The following ADAMTSL2 variants were observed in gnomAD, a reference collection of about 807,000 sequenced individuals.
ADAMTSL2 encodes ADAMTS-like protein 2.
In ADAMTSL2, 55 loss-of-function variants were observed where a neutral mutation model predicts 117.0. That is an observed-to-expected ratio of 0.47 (90% CI 0.38 to 0.59). ADAMTSL2 has a LOEUF of 0.59. Ranked by LOEUF, ADAMTSL2 falls within the 20% of genes least tolerant of loss-of-function variation. The pLI is 0.00. For missense variants in ADAMTSL2, 1,182 were observed against 1,354.5 expected (o/e 0.87, Z 2.00); for synonymous variants, 572 against 566.4 (o/e 1.01, Z -0.14).
Position 133,570,332 on chromosome 9 carries a change from G to A in ADAMTSL2, c.2417G>A (p.Cys806Tyr). Reference protein sequence around the residue: ...AHWLAQDWERCNTTCGRGVKK... With the variant: ...AHWLAQDWERYNTTCGRGVKK... ...CCGCTCCCTCTGCCCCGGCCTCAGT[G>A]CAACACCACCTGCGGGCGCGGGGTC... The change falls in exon 17 of 19, where the codon TGC (cysteine) becomes TAC (tyrosine). Residue 806 changes from cysteine (C) to tyrosine (Y), a missense_variant and splice_region_variant. Cys to Tyr is a radical substitution (Grantham distance 194). Transcript: ENST00000651351. The A allele has an allele frequency of 6.5e-7, 1 of 1,544,098 alleles. No homozygotes were observed. Among genetic ancestry groups the A allele is most frequent in the Non-Finnish European group, 8.7e-7 (1 of 1,146,868 alleles).
intron 9 of ADAMTSL2, among the ~76,000 whole-genome samples, chr9:133,549,778 C>T (rs539590665): frequency 1.3e-5 from 2 of 152,228 alleles, no homozygotes; most frequent in East Asian, 1.9e-4. Flanking sequence ...CCAAACAGAC[C>T]GTGTGTGGCC....
chr9:133,534,603 A>AGGCC, upstream of ADAMTSL2: 1 of 1,254,734 alleles, frequency 8.0e-7, no homozygotes, highest in East Asian at 3.2e-5. Context: ...AGTGTGCGCC[A>AGGCC]GGCCGGCCGG....
intron 9 of ADAMTSL2, among the ~76,000 whole-genome samples, chr9:133,549,422 GC>G (rs1350452330): frequency 6.6e-6 from 1 of 152,128 alleles, no homozygotes; most frequent in Non-Finnish European, 1.5e-5. Context: ...TCAACCTGAG[GC>G]TGCTGCTTTT....
At position 133,557,788 on chromosome 9, in the gene ADAMTSL2, C is replaced by G. The variant is rs1430040001; in HGVS notation, c.1649+1858C>G. On this transcript the variant is annotated intron_variant, in intron 11 of 18. Transcript: ENST00000651351. This position sits in a 1 kb window ranked among gnomAD's most constrained non-coding sequence, Gnocchi z 5.2. ...AGTGGGGGGTGCCTTTCAGGACCCACTGCCTGGGTCAGGGAGGCCAGCTCT... is the reference window on the plus strand; with the variant it reads ...AGTGGGGGGTGCCTTTCAGGACCCAGTGCCTGGGTCAGGGAGGCCAGCTCT... 6.6e-6 allele frequency among the ~76,000 whole-genome samples: 1 copy of G among 152,178 alleles called. No individual in the cohort carries two copies. The highest frequency in any genetic ancestry group is 6.5e-5 in the Admixed American group (1 of 15,290).
intron 7 of ADAMTSL2, among the ~76,000 whole-genome samples, chr9:133,544,165 G>A (rs1446936988): frequency 1.3e-5 from 2 of 152,212 alleles, no homozygotes; most frequent in African/African-American, 4.8e-5. Context: ...TGGCAGAGCC[G>A]GACTGAACTC....
chr9:133,536,761 C>T lies in ADAMTSL2; in HGVS notation c.49C>T (p.Leu17=). Residue 17 remains leucine (L), a synonymous_variant, in exon 2 of 19, where the codon CTG becomes TTG. Transcript: ENST00000651351. The part of the protein sequence containing the change: ...CSCWAWFLLV[L]AVVAGDTVST... Reference sequence around the variant, plus strand: ...CTGCTGGGCCTGGTTCCTGCTGGTTCTGGCAGTTGTAGCTGGGGACACAGT... The same window carrying T: ...CTGCTGGGCCTGGTTCCTGCTGGTTTTGGCAGTTGTAGCTGGGGACACAGT... The T allele has an allele frequency of 1.2e-6, 2 of 1,614,218 alleles. No individual in the cohort carries two copies.
At position 133,539,763 on chromosome 9, in the gene ADAMTSL2, C is replaced by T; in HGVS notation, c.310-8C>T. ...CTCCCGGAGCCTCCCTGTCCCTTCG[C>T]TTCCCAGGAGTGTCCGCCGGACGGG... is the stretch of plus-strand genomic sequence containing the variant. On this transcript the variant is annotated splice_polypyrimidine_tract_variant and splice_region_variant and intron_variant, in intron 4 of 18. Transcript: ENST00000651351. 5.1e-6 allele frequency: 7 copies of T among 1,380,710 alleles called. No individual in the cohort carries two copies. Among genetic ancestry groups the T allele is most frequent in the Non-Finnish European group, 6.6e-6 (7 of 1,060,296 alleles). 85.5% of individuals were successfully genotyped at this position (1,380,710 alleles called of 1,614,324 possible).
At chr9:133,546,941 C>T (rs1830363299) in intron 8 of ADAMTSL2, 97 bp from the exon 9 acceptor site, 1 of 1,294,100 alleles carries the variant, frequency 7.7e-7, no homozygotes, top group Admixed American at 1.7e-5. Context: ...AGCCGGGGTT[C>T]TGGAGGGCAG....
chr9:133,536,816 T>C lies in ADAMTSL2; in HGVS notation c.90+14T>C, dbSNP rs1830064185. ...ACCGGGTCCACGGTGAGTGGGGTGT[T>C]GTGGTCTGAGGGCCCATGCCAGTCC... On this transcript the variant is annotated intron_variant, in intron 2 of 18. Coordinates refer to ENST00000651351, the MANE Select transcript of ADAMTSL2 (RefSeq NM_014694.4). 1.9e-6 allele frequency: 3 copies of C among 1,614,058 alleles called. No homozygotes were observed. The Admixed American group carries it at 5.0e-5, about 27-fold the overall frequency.
chr9:133,548,688 A>G (rs1234025973), intron 9 of ADAMTSL2, among the ~76,000 whole-genome samples: 1 of 152,088 alleles, frequency 6.6e-6, no homozygotes, highest in Non-Finnish European at 1.5e-5. Context: ...TGCCAGGTGT[A>G]GTTGCCCCTT....
chr9:133,572,164 C>G, intron 17 of ADAMTSL2, among the ~76,000 whole-genome samples: 1 of 150,000 alleles, frequency 6.7e-6, no homozygotes, highest in African/African-American at 2.4e-5. Flanking sequence ...TGGCCTCCAC[C>G]CTGCCCCGCC....
intron 12 of ADAMTSL2, among the ~76,000 whole-genome samples, chr9:133,564,141 AAAGGGGGAGAGAGACAGAGAGAAAGG>A (rs1830849250): frequency 4.6e-5 from 2 of 43,062 alleles, no homozygotes; most frequent in African/African-American, 9.9e-5. Flanking sequence ...AGAGAGAGAG[AAAGGGGGAGAGAGACAGAGAGAAAGG>A]GAGAGAGAGA....
intron 13 of ADAMTSL2, 76 bp from the exon 14 acceptor site, chr9:133,568,197 T>C: frequency 6.9e-7 from 1 of 1,450,544 alleles, no homozygotes; most frequent in Non-Finnish European, 9.4e-7. Context: ...AGCCGCGTTG[T>C]CTCTGGGGGT....
chr9:133,537,815 G>A (rs192662512), intron 3 of ADAMTSL2, among the ~76,000 whole-genome samples: 135 of 152,346 alleles, frequency 8.9e-4, no homozygotes, highest in Non-Finnish European at 1.0e-3. Context: ...GTCTGTCCTG[G>A]AGGCGGAGAA....
At chr9:133,540,521 G>C (rs1261390400) in intron 5 of ADAMTSL2, 77 bp from the exon 6 acceptor site, 1 of 1,563,272 alleles carries the variant, frequency 6.4e-7, no homozygotes, top group African/African-American at 1.4e-5. Flanking sequence ...CTGTCTCAGA[G>C]GGAGGAAAAG....
rs1830987508 is a variant in ADAMTSL2 at position 133,566,932 on chromosome 9, C to T, written c.1748-4C>T. On this transcript the variant is annotated splice_polypyrimidine_tract_variant and splice_region_variant and intron_variant, in intron 12 of 18. Coordinates refer to ENST00000651351, the MANE Select transcript of ADAMTSL2 (RefSeq NM_014694.4). Reference sequence around the variant, plus strand: ...TCACAGACCCACCCCTGTCCCCAACCCAGGGGTCATGTCTGCGTACGCCAT... The same window carrying T: ...TCACAGACCCACCCCTGTCCCCAACTCAGGGGTCATGTCTGCGTACGCCAT... The T allele has an allele frequency of 1.2e-5, 20 of 1,605,556 alleles. No individual in the cohort carries two copies.
chr9:133,571,093 G>C (rs1005416034), intron 17 of ADAMTSL2, among the ~76,000 whole-genome samples: 1 of 152,144 alleles, frequency 6.6e-6, no homozygotes, highest in Non-Finnish European at 1.5e-5. Context: ...TGAGATCGCG[G>C]TTCTCTTTGT....
chr9:133,565,553 G>A (rs1830948776), intron 12 of ADAMTSL2, among the ~76,000 whole-genome samples: 1 of 152,230 alleles, frequency 6.6e-6, no homozygotes, highest in African/African-American at 2.4e-5. Flanking sequence ...GAAGGCTAAA[G>A]GCTGCACGGC....
At chr9:133,555,307 A>T (rs1454851932) in intron 10 of ADAMTSL2, among the ~76,000 whole-genome samples, 1 of 130,782 alleles carries the variant, frequency 7.6e-6, no homozygotes, top group Non-Finnish European at 1.6e-5. Flanking sequence ...GGGGCCATGA[A>T]TTTTGGGGGG....
Sources: allele counts gnomAD v4.1 joint callset (sites outside exome capture counted in the v4.1 genomes callset), GRCh38; gene constraint gnomAD v4.1.1; non-coding constraint Gnocchi (gnomAD v3.1); transcripts MANE v1.5; gene names NCBI Gene and HGNC (gene_info 2026-07-23, HGNC 2026-07-21).